IL1RAPL1: variants seen among roughly 807,000 people sequenced by gnomAD.
IL1RAPL1 encodes the protein interleukin 1 receptor accessory protein like 1.
Under a neutral mutation model 48.4 loss-of-function variants are expected in IL1RAPL1, and 3 were observed. That is an observed-to-expected ratio of 0.06 (90% CI 0.03 to 0.16). The LOEUF (loss-of-function observed/expected upper bound fraction) is 0.16. IL1RAPL1 is among the 10% of genes least tolerant of loss of function. IL1RAPL1 has a pLI of 1.00. For missense variants in IL1RAPL1, 349 were observed against 530.6 expected, an observed-to-expected ratio of 0.66 and a Z score of 3.36; for synonymous variants, 185 against 187.7, an observed-to-expected ratio of 0.99 and a Z score of 0.12.
intron 2 of IL1RAPL1, among the ~76,000 whole-genome samples, chrX:29,182,206 A>G (rs1033526895): frequency 1.8e-5 from 2 of 111,347 alleles, no homozygotes; most frequent in African/African-American, 3.3e-5. Context: ...ATGCCTATGT[A>G]ATGAAGCCTT....
intron 1 of IL1RAPL1, among the ~76,000 whole-genome samples, chrX:28,719,341 A>G (rs1336393696): frequency 4.5e-5 from 5 of 111,394 alleles, no homozygotes; most frequent in Non-Finnish European, 7.6e-5. Context: ...GATTCATTGG[A>G]AAGTAATTAT....
In IL1RAPL1 at chrX:29,109,845, T is replaced by G. The variant is rs369905920; in HGVS notation, c.83-173093T>G. ...GCTTGGGGAAAACTGCAGTTCAGTT[T>G]GCTTCAATGAGAAGGAAAAATAATT... On this transcript the variant is annotated intron_variant, in intron 2 of 10. Coordinates refer to ENST00000378993, the MANE Select transcript of IL1RAPL1 (RefSeq NM_014271.4). 1.1e-4 allele frequency among the ~76,000 whole-genome samples: 12 copies of G among 112,202 alleles called. No individual in the cohort carries two copies. In the East Asian group the frequency reaches 1.4e-3, roughly 13 times the overall value.
At chrX:29,726,272 C>T (rs1337815697) in intron 6 of IL1RAPL1, among the ~76,000 whole-genome samples, 3 of 112,008 alleles carry the variant, frequency 2.7e-5, no homozygotes, top group African/African-American at 9.7e-5. Flanking sequence ...TTATCTTGTA[C>T]AACATAATGA....
intron 2 of IL1RAPL1, among the ~76,000 whole-genome samples, chrX:28,905,746 C>T (rs190513537): frequency 8.1e-5 from 9 of 111,163 alleles, no homozygotes; most frequent in African/African-American, 2.6e-4. Flanking sequence ...ATGGAGTTTA[C>T]GGTTCAGTGG....
At chrX:28,672,200 A>G (rs1934953470) in intron 1 of IL1RAPL1, among the ~76,000 whole-genome samples, 1 of 111,244 alleles carries the variant, frequency 9.0e-6, no homozygotes, top group African/African-American at 3.3e-5. Context: ...TGTGTGTTTT[A>G]TTTAGTGAAG....
chrX:29,393,766 C>G (rs368819078), intron 3 of IL1RAPL1, among the ~76,000 whole-genome samples: 2 of 109,024 alleles, frequency 1.8e-5, no homozygotes, highest in East Asian at 5.7e-4. Flanking sequence ...TGTATCCTTC[C>G]AAAACCTAAG....
At chrX:29,293,632 G>A (rs1009358106) in intron 3 of IL1RAPL1, among the ~76,000 whole-genome samples, 8 of 111,027 alleles carry the variant, frequency 7.2e-5, no homozygotes, top group Non-Finnish European at 1.9e-5. Context: ...GATATAACAT[G>A]TGTATTTATC....
At chrX:29,701,702 T>C (rs182077233) in intron 6 of IL1RAPL1, among the ~76,000 whole-genome samples, 9 of 111,335 alleles carry the variant, frequency 8.1e-5, no homozygotes, top group African/African-American at 2.9e-4. Context: ...GCAGACCTTT[T>C]ACACCTGACC....
chrX:29,806,104 G>A (rs1437311172), intron 6 of IL1RAPL1, among the ~76,000 whole-genome samples: 2 of 110,817 alleles, frequency 1.8e-5, no homozygotes, highest in Non-Finnish European at 3.8e-5. Context: ...CAGAAAATGG[G>A]AGGGGGCAAT....
chrX:29,512,916 T>C (rs982652348), intron 5 of IL1RAPL1, among the ~76,000 whole-genome samples: 12 of 112,006 alleles, frequency 1.1e-4, no homozygotes, highest in African/African-American at 3.6e-4. Context: ...AATTCTGTAC[T>C]GTTTGTCTGA....
At chrX:29,219,417 C>T (rs778084963) in intron 2 of IL1RAPL1, among the ~76,000 whole-genome samples, 1 of 111,005 alleles carries the variant, frequency 9.0e-6, no homozygotes, top group East Asian at 2.8e-4. Flanking sequence ...TGTGGTTTAG[C>T]AAGGGAGTGA....
At chrX:29,844,299 T>G (rs1037872198) in intron 6 of IL1RAPL1, among the ~76,000 whole-genome samples, 9 of 111,987 alleles carry the variant, frequency 8.0e-5, no homozygotes, top group African/African-American at 2.9e-4. Context: ...GTCCTGAATA[T>G]TTGGTCTATA....
chrX:29,303,697 A>G (rs1026115040), intron 3 of IL1RAPL1, among the ~76,000 whole-genome samples: 9 of 112,079 alleles, frequency 8.0e-5, no homozygotes, highest in South Asian at 3.7e-4. Context: ...TAGAAATTAC[A>G]TAAAGTATTT....
chrX:29,533,170 A>G (rs925864138), intron 5 of IL1RAPL1, among the ~76,000 whole-genome samples: 1 of 112,331 alleles, frequency 8.9e-6, no homozygotes, highest in Non-Finnish European at 1.9e-5. Flanking sequence ...GTTTTTTAGT[A>G]TATTCAGAGA....
chrX:29,785,828 A>G (rs1210481075), intron 6 of IL1RAPL1, among the ~76,000 whole-genome samples: 2 of 111,331 alleles, frequency 1.8e-5, no homozygotes, highest in Non-Finnish European at 3.8e-5. Flanking sequence ...TAATATGAAG[A>G]CCAAGCTCTG....
At chrX:28,811,829 A>G (rs764813952) in intron 2 of IL1RAPL1, among the ~76,000 whole-genome samples, 2 of 110,753 alleles carry the variant, frequency 1.8e-5, no homozygotes, top group Non-Finnish European at 3.8e-5. Context: ...TCTCTAAATA[A>G]CAGTATTAAA....
chrX:29,776,804 T>C (rs1929209986), intron 6 of IL1RAPL1, among the ~76,000 whole-genome samples: 5 of 112,104 alleles, frequency 4.5e-5, no homozygotes, highest in South Asian at 3.7e-4. Context: ...ACTTAGTCTA[T>C]ATGAGACCAA....
At chrX:29,228,364 TGTGTGTGTGA>T (rs1362442760) in intron 2 of IL1RAPL1, among the ~76,000 whole-genome samples, 120 of 104,196 alleles carry the variant, frequency 1.2e-3, no homozygotes, top group Middle Eastern at 5.0e-3. Context: ...TGTGTGTGTG[TGTGTGTGTGA>T]GACAGAGTCT....
chrX:29,095,428 A>G (rs1409632241), intron 2 of IL1RAPL1, among the ~76,000 whole-genome samples: 1 of 111,442 alleles, frequency 9.0e-6, no homozygotes, highest in African/African-American at 3.3e-5. Flanking sequence ...AGGATTGTTG[A>G]AACTGCAAAT....
Sources: gnomAD v4.1 joint callset for allele counts (sites outside exome capture counted in the v4.1 genomes callset) on GRCh38, gnomAD v4.1.1 for gene constraint, MANE v1.5 for transcripts, NCBI Gene and HGNC (gene_info 2026-07-23, HGNC 2026-07-21) for gene names.